VPS13B: variants seen among roughly 807,000 people sequenced by gnomAD.
VPS13B encodes the protein intermembrane lipid transfer protein VPS13B.
Under a neutral mutation model 426.4 loss-of-function variants are expected in VPS13B, and 285 were observed. The ratio of observed to expected loss-of-function variants is 0.67; its 90% CI spans 0.61 to 0.74. The LOEUF (loss-of-function observed/expected upper bound fraction) is 0.74, where lower values mean the gene tolerates loss of function less well. Ranked by LOEUF, VPS13B falls within the 30% of genes least tolerant of loss-of-function variation. The probability of loss-of-function intolerance (pLI) is 0.00; values close to 1 mark genes in which losing one functional copy is unlikely to be tolerated. For missense variants in VPS13B, 4,537 were observed against 4,782.6 expected (o/e 0.95, Z 1.51); for synonymous variants, 1,676 against 1,676.4 (o/e 1.00, Z 0.01).
intron 33 of VPS13B, among the ~76,000 whole-genome samples, chr8:99,603,748 C>T (rs1054506220): frequency 6.6e-6 from 1 of 152,078 alleles, no homozygotes; most frequent in Admixed American, 6.6e-5. Flanking sequence ...ATTTTCAAAA[C>T]CATAGAAAGT....
At chr8:99,703,052 A>G (rs2130206962) in intron 36 of VPS13B, among the ~76,000 whole-genome samples, 1 of 152,276 alleles carries the variant, frequency 6.6e-6, no homozygotes, top group Middle Eastern at 3.4e-3. Context: ...GAAAGGAAAT[A>G]ATATGATCAA....
chr8:99,206,451 G>A (rs1287438849), intron 17 of VPS13B, among the ~76,000 whole-genome samples: 1 of 152,124 alleles, frequency 6.6e-6, no homozygotes, highest in African/African-American at 2.4e-5. Flanking sequence ...AGCTTTCTCA[G>A]CGCAGTAGCA....
rs1179010557 is a variant in VPS13B, at chr8:99,832,554, AC to A, written c.9517del (p.Gln3173SerfsTer8). ...FSPAPGADSS[Q>X]CWSLPAIVRP... is the part of the protein sequence containing the mutation. ...CTCCTGCCCCAGGTGCTGACAGCTC[AC>A]AGTGCTGGAGCCTGCCAGCTATAGT... On this transcript the variant is annotated frameshift_variant, in exon 52 of 62. Transcript: ENST00000357162. LOFTEE classifies it high-confidence loss of function. 2 of 1,613,796 alleles carry A rather than the reference AC, an allele frequency of 1.2e-6. No individual in the cohort carries two copies. The highest frequency in any genetic ancestry group is 1.7e-6 in the Non-Finnish European group (2 of 1,179,976).
At chr8:99,327,511 A>T (rs893239505) in intron 19 of VPS13B, among the ~76,000 whole-genome samples, 2 of 152,312 alleles carry the variant, frequency 1.3e-5, no homozygotes, top group African/African-American at 4.8e-5. Context: ...AGCAGTCAAC[A>T]CACATAAGAT....
intron 33 of VPS13B, among the ~76,000 whole-genome samples, chr8:99,582,128 G>A (rs1223546016): frequency 6.6e-6 from 1 of 151,800 alleles, no homozygotes; most frequent in Non-Finnish European, 1.5e-5. Flanking sequence ...GACACAATTG[G>A]TTTACCCTTC....
intron 19 of VPS13B, among the ~76,000 whole-genome samples, chr8:99,359,054 A>G (rs1812349016): frequency 2.0e-5 from 3 of 152,188 alleles, no homozygotes; most frequent in Admixed American, 2.0e-4. Context: ...TCTCTAAATT[A>G]CATTATTATA....
chr8:99,497,884 G>T (rs779019677), intron 25 of VPS13B, among the ~76,000 whole-genome samples: 2 of 151,856 alleles, frequency 1.3e-5, no homozygotes, highest in Admixed American at 6.6e-5. Flanking sequence ...TTCCTTAAAT[G>T]GTTTTGTTCT....
intron 19 of VPS13B, among the ~76,000 whole-genome samples, chr8:99,280,128 T>C (rs1034105457): frequency 6.6e-6 from 1 of 152,168 alleles, no homozygotes; most frequent in African/African-American, 2.4e-5. Context: ...CTGCTCTCTC[T>C]TTGCTCTGGC....
intron 40 of VPS13B, among the ~76,000 whole-genome samples, chr8:99,769,673 T>G (rs1347197579): frequency 6.6e-6 from 1 of 152,212 alleles, no homozygotes; most frequent in Admixed American, 6.5e-5. Context: ...AGAGATAGCA[T>G]TTAATAGATG....
chr8:99,111,354 T>A, intron 6 of VPS13B, 75 bp downstream of exon 6: 1 of 1,230,298 alleles, frequency 8.1e-7, no homozygotes, highest in Non-Finnish European at 1.1e-6. Flanking sequence ...TGCTAATCAT[T>A]ATTAACAAAT....
chr8:99,599,693 G>C (rs1827193348), intron 33 of VPS13B, among the ~76,000 whole-genome samples: 1 of 152,056 alleles, frequency 6.6e-6, no homozygotes, highest in Non-Finnish European at 1.5e-5. Context: ...TTTTTAGATT[G>C]CTTATTTCTA....
intron 17 of VPS13B, among the ~76,000 whole-genome samples, chr8:99,213,877 G>A (rs1815246431): frequency 6.6e-6 from 1 of 151,264 alleles, no homozygotes; most frequent in African/African-American, 2.4e-5. Context: ...GCCCGTCAGA[G>A]GCTACCGTCA....
rs551481166 is a variant in VPS13B, at chr8:99,579,042, T to C, written c.5220+1409T>C. Among the ~76,000 whole-genome samples, 68 of 152,276 alleles carry C rather than the reference T, an allele frequency of 4.5e-4. No individual in the cohort carries two copies. In the South Asian group the frequency reaches 0.013, roughly 30 times the overall value. On this transcript the variant is annotated intron_variant, in intron 33 of 61. Coordinates refer to ENST00000357162, the MANE Select transcript of VPS13B (RefSeq NM_152564.5). The stretch of plus-strand genomic sequence containing the variant: ...GTGGCTATGTGTTTCTTCTTAGAGA[T>C]CATATTACAAGTACAGATGACATGA...
chr8:99,477,300 T>C (rs1188210897), intron 24 of VPS13B, among the ~76,000 whole-genome samples: 3 of 152,226 alleles, frequency 2.0e-5, no homozygotes, highest in Non-Finnish European at 4.4e-5. Flanking sequence ...TTAAAATTAA[T>C]GTCTCAGAAT....
intron 17 of VPS13B, among the ~76,000 whole-genome samples, chr8:99,263,036 A>G (rs1043425076): frequency 1.3e-4 from 20 of 152,012 alleles, no homozygotes; most frequent in African/African-American, 4.1e-4. Context: ...TGGCCCCCCA[A>G]AGTGCTGGGA....
chr8:99,477,551 C>T (rs1467606060), intron 24 of VPS13B, among the ~76,000 whole-genome samples: 1 of 152,176 alleles, frequency 6.6e-6, no homozygotes, highest in Non-Finnish European at 1.5e-5. Context: ...TTCTTGATTA[C>T]ATTTTATGGA....
At chr8:99,064,466 A>G (rs1489410937) in intron 3 of VPS13B, among the ~76,000 whole-genome samples, 2 of 152,348 alleles carry the variant, frequency 1.3e-5, no homozygotes, top group African/African-American at 4.8e-5. Context: ...AATATGCACA[A>G]GCTTCAATAG....
At chr8:99,392,404 T>C (rs1814495499) in intron 21 of VPS13B, among the ~76,000 whole-genome samples, 1 of 152,208 alleles carries the variant, frequency 6.6e-6, no homozygotes, top group East Asian at 1.9e-4. Flanking sequence ...TTTTTTCTTC[T>C]TAACCTCTAA....
At chr8:99,717,852 A>G (rs987840702) in intron 37 of VPS13B, among the ~76,000 whole-genome samples, 3 of 152,140 alleles carry the variant, frequency 2.0e-5, no homozygotes, top group Admixed American at 1.3e-4. Flanking sequence ...CCAAGTGTCA[A>G]TATTTTATTC....
Sources: gnomAD v4.1 joint callset for allele counts (sites outside exome capture counted in the v4.1 genomes callset) on GRCh38, gnomAD v4.1.1 for gene constraint, MANE v1.5 for transcripts, NCBI Gene and HGNC (gene_info 2026-07-23, HGNC 2026-07-21) for gene names.